The following TUNAR variants were observed in gnomAD, a reference collection of about 807,000 sequenced individuals.
TUNAR encodes the protein protein TUNAR.
chr14:95,913,033 C>T (rs564051731), intron 2 of TUNAR, among the ~76,000 whole-genome samples: 3 of 152,218 alleles, frequency 2.0e-5, no homozygotes, highest in African/African-American at 4.8e-5. Context: ...CCTCGTGATC[C>T]GCCCGCCTCG....
In TUNAR at chr14:95,880,176, G is replaced by A. The variant is rs939465408; in HGVS notation, c.12+2999G>A. ...TGTGTGTGTATTGGTACCAGATATT[G>A]CCCTCCAAACTCTAAGTTTGAAGAA... is the stretch of plus-strand genomic sequence containing the variant. On this transcript the variant is annotated intron_variant, in intron 2 of 2. Transcript: ENST00000678517. 4.6e-5 allele frequency among the ~76,000 whole-genome samples: 7 copies of A among 152,136 alleles called. No homozygotes were observed. In the South Asian group the frequency reaches 1.0e-3, roughly 23 times the overall value.
rs111302513 is a variant in TUNAR at position 95,921,355 on chromosome 14, G to T, written c.13-1426G>T. 2.3e-3 allele frequency among the ~76,000 whole-genome samples: 354 copies of T among 152,278 alleles called. 2 individuals carry two copies. Among genetic ancestry groups the T allele is most frequent in the African/African-American group, 8.2e-3 (340 of 41,548 alleles). ...GGCACAGCCCTCCAGTGGAAGAAAT[G>T]TAGCTATGGGGCTGGCCTGGTGCAC... On this transcript the variant is annotated intron_variant, in intron 2 of 2. Transcript: ENST00000678517.
chr14:95,893,651 C>T (rs768817845), intron 2 of TUNAR, among the ~76,000 whole-genome samples: 1 of 152,132 alleles, frequency 6.6e-6, no homozygotes, highest in South Asian at 2.1e-4. Context: ...AGACAAGACC[C>T]GTTGCCAGAG....
exon 1 of TUNAR, chr14:95,876,559 C>G (rs1888880962): frequency 6.6e-6 from 1 of 152,558 alleles, no homozygotes; most frequent in African/African-American, 2.4e-5. Context: ...GCTGTGCTTG[C>G]GGCCGGGTGG....
At chr14:95,918,608 G>A (rs1566792846) in intron 2 of TUNAR, among the ~76,000 whole-genome samples, 1 of 152,310 alleles carries the variant, frequency 6.6e-6, no homozygotes, top group East Asian at 1.9e-4. Context: ...TCTGTGAGTC[G>A]GAGAAGGTCT....
exon 3 of TUNAR, chr14:95,923,254 A>G: frequency 6.8e-6 from 2 of 293,730 alleles, no homozygotes; most frequent in Non-Finnish European, 1.3e-5. Flanking sequence ...CTCTGACACC[A>G]TCAGTGAGCG....
At chr14:95,886,677 A>C (rs1478446459) in intron 2 of TUNAR, among the ~76,000 whole-genome samples, 1 of 152,192 alleles carries the variant, frequency 6.6e-6, no homozygotes, top group Non-Finnish European at 1.5e-5. Context: ...CATGGGTCCC[A>C]TTTACAGGTC....
At chr14:95,910,291 C>G (rs1345725242) in intron 2 of TUNAR, among the ~76,000 whole-genome samples, 1 of 152,172 alleles carries the variant, frequency 6.6e-6, no homozygotes, top group African/African-American at 2.4e-5. Context: ...GTGGGCAGAT[C>G]ACTTGAGCCC....
At chr14:95,898,047 C>G (rs898310311) in intron 2 of TUNAR, among the ~76,000 whole-genome samples, 3 of 152,160 alleles carry the variant, frequency 2.0e-5, no homozygotes, top group Non-Finnish European at 2.9e-5. Flanking sequence ...CCCAGGTCAT[C>G]TTGGGCTCAC....
In TUNAR at chr14:95,921,251, C is replaced by T. The variant is rs545195664; in HGVS notation, c.13-1530C>T. 1.1e-4 allele frequency among the ~76,000 whole-genome samples: 16 copies of T among 152,312 alleles called. No homozygotes were observed. In the South Asian group the frequency reaches 1.2e-3, roughly 12 times the overall value. ...AATAACGCATGACCAGCTATCTGGG[C>T]GTGCATGACCCAGTCAAGCTGACAC... On this transcript the variant is annotated intron_variant, in intron 2 of 2. Transcript: ENST00000678517.
At position 95,895,506 on chromosome 14, in the gene TUNAR, A is replaced by G. The variant is rs1322776796; in HGVS notation, c.12+18329A>G. Among the ~76,000 whole-genome samples the G allele has an allele frequency of 6.6e-6, 1 of 152,132 alleles. No individual in the cohort carries two copies. The highest frequency in any genetic ancestry group is 1.5e-5 in the Non-Finnish European group (1 of 68,030). On this transcript the variant is annotated intron_variant, in intron 2 of 2. Coordinates refer to ENST00000678517, the Ensembl canonical transcript of TUNAR. The surrounding 1 kb of genome is among the most constrained non-coding windows in gnomAD (Gnocchi z 4.5). ...TGTCAAATGAGGCAAGCCAAAACCC[A>G]GGCAGTGGGATGGTCATGTTAGCAT...
rs116828518 is a variant in TUNAR at position 95,922,649 on chromosome 14, T to A, written c.13-132T>A. The A allele has an allele frequency of 2.8e-3, 1,098 of 394,526 alleles. 13 individuals are homozygous for A. The highest frequency in any genetic ancestry group is 0.02 in the African/African-American group (977 of 48,620). The allele number at this position is 394,526 out of a possible 1,614,324, so 24.4% of individuals were successfully genotyped here. On this transcript the variant is annotated intron_variant, in intron 2 of 2. Transcript: ENST00000678517. Reference sequence around the variant, plus strand: ...AAGAGCAAGGTGTCCCAAGGTAGGATCCTTGTGGGATTTGTCATTCTCCCA... The same window carrying A: ...AAGAGCAAGGTGTCCCAAGGTAGGAACCTTGTGGGATTTGTCATTCTCCCA...
chr14:95,877,479 C>G (rs1230615065), intron 2 of TUNAR, among the ~76,000 whole-genome samples: 1 of 152,178 alleles, frequency 6.6e-6, no homozygotes, highest in Non-Finnish European at 1.5e-5. Context: ...TTGGGGGCAA[C>G]AACTCTTATT....
chr14:95,885,659 G>C (rs1889064727), intron 2 of TUNAR, among the ~76,000 whole-genome samples: 1 of 152,156 alleles, frequency 6.6e-6, no homozygotes, highest in South Asian at 2.1e-4. Flanking sequence ...GGTCACTCCT[G>C]CTTAGATGGG....
intron 2 of TUNAR, among the ~76,000 whole-genome samples, chr14:95,908,386 A>T (rs1464939318): frequency 1.3e-5 from 2 of 152,204 alleles, no homozygotes; most frequent in Admixed American, 1.3e-4. Context: ...TGCCACTGCC[A>T]TCACTCTGAT....
intron 2 of TUNAR, among the ~76,000 whole-genome samples, chr14:95,894,233 A>C (rs1485876197): frequency 6.6e-6 from 1 of 152,236 alleles, no homozygotes; most frequent in Non-Finnish European, 1.5e-5. Flanking sequence ...ATCTCCTTTC[A>C]ATGAAAAATG....
At chr14:95,888,159 C>T (rs1439005494) in intron 2 of TUNAR, among the ~76,000 whole-genome samples, 2 of 152,178 alleles carry the variant, frequency 1.3e-5, no homozygotes, top group African/African-American at 4.8e-5. Context: ...CTTTATGAGT[C>T]CTGTTTTCTC....
At chr14:95,909,189 C>T (rs769688842) in intron 2 of TUNAR, among the ~76,000 whole-genome samples, 16 of 151,960 alleles carry the variant, frequency 1.1e-4, no homozygotes, top group Non-Finnish European at 1.6e-4. Context: ...AGTGTTTAAA[C>T]TTTTCTCACT....
At chr14:95,921,546 A>G (rs1246414901) in intron 2 of TUNAR, among the ~76,000 whole-genome samples, 3 of 152,232 alleles carry the variant, frequency 2.0e-5, no homozygotes, top group Non-Finnish European at 2.9e-5. Flanking sequence ...GATTATTGCA[A>G]TACATACCAT....
Sources: allele counts gnomAD v4.1 joint callset (sites outside exome capture counted in the v4.1 genomes callset), GRCh38; gene constraint gnomAD v4.1.1; non-coding constraint Gnocchi (gnomAD v3.1); transcripts MANE v1.5; gene names NCBI Gene and HGNC (gene_info 2026-07-23, HGNC 2026-07-21).